The following COL21A1 variants were observed in gnomAD, a reference collection of about 807,000 sequenced individuals.
The protein encoded by COL21A1 is collagen type XXI alpha 1 chain.
COL21A1 carries 149 observed loss-of-function variants against 137.9 expected under a neutral mutation model. That is an observed-to-expected ratio of 1.08 (90% confidence interval 0.95 to 1.24). The LOEUF (loss-of-function observed/expected upper bound fraction) is 1.24. COL21A1 is among the 50% of genes most tolerant of loss of function. COL21A1 has a pLI of 0.00. For synonymous variants in COL21A1, 456 were observed against 391.5 expected (o/e 1.16, Z -1.95); for missense variants, 1,167 against 1,158.4 (o/e 1.01, Z -0.11).
chr6:56,243,924 A>T (rs1053340232), intron 1 of COL21A1, among the ~76,000 whole-genome samples: 4 of 152,200 alleles, frequency 2.6e-5, no homozygotes, highest in African/African-American at 9.7e-5. Flanking sequence ...TTTGTTTCTC[A>T]CAAGAATAAT....
chr6:56,347,676 C>T (rs1217450151), intron 1 of COL21A1, among the ~76,000 whole-genome samples: 1 of 152,102 alleles, frequency 6.6e-6, no homozygotes, highest in Non-Finnish European at 1.5e-5. Flanking sequence ...CCACTCATTG[C>T]AATTAAACTC....
chr6:56,303,285 G>A (rs1764348867), intron 1 of COL21A1, among the ~76,000 whole-genome samples: 1 of 152,212 alleles, frequency 6.6e-6, no homozygotes, highest in African/African-American at 2.4e-5. Flanking sequence ...AAAGTAGCTT[G>A]ATGGGGATGG....
intron 17 of COL21A1, among the ~76,000 whole-genome samples, chr6:56,087,694 C>T (rs1768394362): frequency 6.6e-6 from 1 of 152,174 alleles, no homozygotes; most frequent in African/African-American, 2.4e-5. Context: ...AACCCAACTG[C>T]ATTTGTACAA....
chr6:56,169,326 A>G (rs1468584688), intron 5 of COL21A1, among the ~76,000 whole-genome samples: 1 of 151,998 alleles, frequency 6.6e-6, no homozygotes, highest in African/African-American at 2.4e-5. Context: ...TAATTTCTGT[A>G]TCCCCAGGAC....
At chr6:56,382,887 G>A (rs1415992367) in intron 1 of COL21A1, among the ~76,000 whole-genome samples, 1 of 152,112 alleles carries the variant, frequency 6.6e-6, no homozygotes, top group Non-Finnish European at 1.5e-5. Context: ...AGAGGCTCTG[G>A]TGCTTCTGCC....
At chr6:56,255,360 T>C (rs1159617781) in intron 1 of COL21A1, among the ~76,000 whole-genome samples, 1 of 151,716 alleles carries the variant, frequency 6.6e-6, no homozygotes, top group Non-Finnish European at 1.5e-5. Flanking sequence ...TGTGTGTGTG[T>C]GTGTGTGTGT....
chr6:56,259,502 A>G (rs935575057), intron 1 of COL21A1, among the ~76,000 whole-genome samples: 1 of 152,242 alleles, frequency 6.6e-6, no homozygotes, highest in African/African-American at 2.4e-5. Flanking sequence ...ATATGTTTTC[A>G]GTATTTATGA....
chr6:56,292,794 G>A (rs772719688), intron 1 of COL21A1, among the ~76,000 whole-genome samples: 1 of 152,140 alleles, frequency 6.6e-6, no homozygotes, highest in Non-Finnish European at 1.5e-5. Flanking sequence ...GCCACCCAGT[G>A]GAGGATCTCT....
intron 1 of COL21A1, among the ~76,000 whole-genome samples, chr6:56,307,710 A>G (rs1764504171): frequency 1.3e-5 from 2 of 152,222 alleles, no homozygotes; most frequent in South Asian, 4.2e-4. Flanking sequence ...GCTCATGCTC[A>G]GTGCACTGCA....
At chr6:56,263,688 A>G (rs969995377) in intron 1 of COL21A1, among the ~76,000 whole-genome samples, 2 of 152,184 alleles carry the variant, frequency 1.3e-5, no homozygotes, top group African/African-American at 4.8e-5. Context: ...TATTCTAGGA[A>G]CCCACAATTC....
At chr6:56,120,487 G>T (rs1772362015) in intron 16 of COL21A1, among the ~76,000 whole-genome samples, 1 of 152,184 alleles carries the variant, frequency 6.6e-6, no homozygotes, top group Non-Finnish European at 1.5e-5. Context: ...AGGACAGTTT[G>T]AAGATTCCTC....
chr6:56,292,425 T>C (rs1051713930), intron 1 of COL21A1, among the ~76,000 whole-genome samples: 2 of 131,686 alleles, frequency 1.5e-5, no homozygotes, highest in African/African-American at 5.3e-5. Flanking sequence ...GAGTCTGGGT[T>C]CTTGAACTCA....
At chr6:56,393,668 G>C (rs2094034357) in intron 1 of COL21A1, among the ~76,000 whole-genome samples, 1 of 152,146 alleles carries the variant, frequency 6.6e-6, no homozygotes, top group African/African-American at 2.4e-5. Context: ...AACTTAACAG[G>C]AAAACTGAAA....
At chr6:56,215,054 T>C (rs1420776595) in intron 1 of COL21A1, among the ~76,000 whole-genome samples, 1 of 151,946 alleles carries the variant, frequency 6.6e-6, no homozygotes, top group Non-Finnish European at 1.5e-5. Flanking sequence ...TAACGTCCTA[T>C]GTTATATACG....
At chr6:56,115,301 G>GA (rs70986768) in intron 16 of COL21A1, among the ~76,000 whole-genome samples, 122 of 140,762 alleles carry the variant, frequency 8.7e-4, no homozygotes, top group African/African-American at 2.2e-3. Context: ...TAATAATAAA[G>GA]AAAAAAAAAA....
intron 1 of COL21A1, among the ~76,000 whole-genome samples, chr6:56,358,519 T>A (rs1474659618): frequency 6.6e-6 from 1 of 151,966 alleles, no homozygotes; most frequent in South Asian, 2.1e-4. Context: ...GTCTACATGG[T>A]AAAATTCAAC....
chr6:56,206,697 A>ACATATAT, intron 1 of COL21A1, among the ~76,000 whole-genome samples: 1 of 32,334 alleles, frequency 3.1e-5, no homozygotes, highest in South Asian at 1.4e-3. Flanking sequence ...TAAATAAATA[A>ACATATAT]ATATATATAT....
chr6:56,256,088 T>C lies in COL21A1; in HGVS notation c.-38-73432A>G, dbSNP rs966001965. ...AAGTTAAGAAGATTTTGAATACTTT[T>C]AGTTGAGACGTTAGCCCATTAAATA... On this transcript the variant is annotated intron_variant, in intron 1 of 28. Transcript: ENST00000370819. 5.9e-5 allele frequency among the ~76,000 whole-genome samples: 9 copies of C among 152,222 alleles called. No homozygotes were observed. In the South Asian group the frequency reaches 1.2e-3, roughly 21 times the overall value.
intron 1 of COL21A1, among the ~76,000 whole-genome samples, chr6:56,235,391 T>C (rs1046185560): frequency 5.3e-5 from 8 of 151,980 alleles, no homozygotes; most frequent in Non-Finnish European, 1.2e-4. Flanking sequence ...GCTGATGTTC[T>C]GGCTTTTCTG....
Sources: allele counts gnomAD v4.1 joint callset (sites outside exome capture counted in the v4.1 genomes callset), GRCh38; gene constraint gnomAD v4.1.1; transcripts MANE v1.5; gene names NCBI Gene and HGNC (gene_info 2026-07-23, HGNC 2026-07-21).